The following RNF228 variants were observed in gnomAD, a reference collection of about 807,000 sequenced individuals.
The protein encoded by RNF228 is ring finger protein 228.
the RNF228 span, among the ~76,000 whole-genome samples, chr2:222,316,119 T>G: frequency 6.6e-6 from 1 of 152,228 alleles, no homozygotes; most frequent in African/African-American, 2.4e-5. Flanking sequence ...CAACAATTAC[T>G]TCTTAAACTC....
chr2:222,317,881 A>G, the RNF228 span: 2 of 152,222 alleles, frequency 1.3e-5, no homozygotes, highest in African/African-American at 4.8e-5. Context: ...ATATTGAATC[A>G]ATTACCAACA....
the RNF228 span, chr2:222,319,382 G>C: frequency 3.1e-6 from 1 of 320,620 alleles, no homozygotes; most frequent in African/African-American, 2.2e-5. The surrounding 1 kb of genome is among the most constrained non-coding windows in gnomAD (Gnocchi z 7.6). Flanking sequence ...TGAGCGCCGC[G>C]CGCTTGCAGT....
the RNF228 span, among the ~76,000 whole-genome samples, chr2:222,314,830 T>C: frequency 9.8e-5 from 15 of 152,372 alleles, no homozygotes; most frequent in East Asian, 2.7e-3. Context: ...TAGATCTTTT[T>C]CTCATGTTGG....
chr2:222,319,079 G>A, the RNF228 span: 5 of 176,072 alleles, frequency 2.8e-5, no homozygotes, highest in Non-Finnish European at 4.7e-5. This position sits in a 1 kb window ranked among gnomAD's most constrained non-coding sequence, Gnocchi z 7.6. Flanking sequence ...CCCTCGGGCC[G>A]CCGCCGCCGC....
the RNF228 span, among the ~76,000 whole-genome samples, chr2:222,316,713 CT>C: frequency 1.3e-5 from 2 of 152,174 alleles, no homozygotes; most frequent in East Asian, 3.8e-4. Context: ...CATAATATAT[CT>C]TTAAACATAA....
the RNF228 span, among the ~76,000 whole-genome samples, chr2:222,317,049 G>T: frequency 6.6e-6 from 1 of 152,066 alleles, no homozygotes; most frequent in East Asian, 1.9e-4. Flanking sequence ...GCCTTCCAGG[G>T]TCATTATTCC....
At chr2:222,317,460 C>A in the RNF228 span, 2 of 152,094 alleles carry the variant, frequency 1.3e-5, no homozygotes, top group African/African-American at 4.8e-5. Context: ...TAATAGCATA[C>A]CTTCAGTAGA....
At chr2:222,317,451 A>C in the RNF228 span, 1 of 152,214 alleles carries the variant, frequency 6.6e-6, no homozygotes, top group Non-Finnish European at 1.5e-5. Flanking sequence ...CTCGAGGAAT[A>C]ATAGCATACC....
At chr2:222,318,756 G>T in the RNF228 span, 1 of 146,440 alleles carries the variant, frequency 6.8e-6, no homozygotes, top group African/African-American at 2.5e-5. Context: ...ATTTTGCACA[G>T]TCCAGGCAAA....
the RNF228 span, among the ~76,000 whole-genome samples, chr2:222,314,272 T>A: frequency 3.9e-5 from 6 of 152,236 alleles, no homozygotes; most frequent in Non-Finnish European, 8.8e-5. Flanking sequence ...GAATCAAAAC[T>A]GATTGGATGA....
chr2:222,315,108 TATG>T, the RNF228 span, among the ~76,000 whole-genome samples: 1 of 152,158 alleles, frequency 6.6e-6, no homozygotes, highest in Non-Finnish European at 1.5e-5. Context: ...CAAAAATTCT[TATG>T]AAGTAGGGAA....
the RNF228 span, among the ~76,000 whole-genome samples, chr2:222,315,505 C>T: frequency 1.3e-5 from 2 of 152,030 alleles, no homozygotes; most frequent in Admixed American, 6.5e-5. Context: ...CACTTGGAGA[C>T]CTAAATAAAA....
chr2:222,314,857 T>G, the RNF228 span, among the ~76,000 whole-genome samples: 3 of 152,256 alleles, frequency 2.0e-5, no homozygotes, highest in Non-Finnish European at 4.4e-5. Context: ...CACTGCAATG[T>G]GCTTTTTTCC....
At chr2:222,318,919 G>T in the RNF228 span, 1 of 152,632 alleles carries the variant, frequency 6.6e-6, no homozygotes, top group South Asian at 2.0e-4. Flanking sequence ...GAGAGCCCGG[G>T]GGCAGCAGGG....
chr2:222,319,970 G>T, the RNF228 span, among the ~76,000 whole-genome samples: 32 of 152,226 alleles, frequency 2.1e-4, no homozygotes, highest in African/African-American at 7.7e-4. The surrounding 1 kb of genome is among the most constrained non-coding windows in gnomAD (Gnocchi z 7.6). Flanking sequence ...CGCAGTCCGG[G>T]GCTCCCTTCG....
the RNF228 span, among the ~76,000 whole-genome samples, chr2:222,316,392 T>C: frequency 6.6e-6 from 1 of 152,246 alleles, no homozygotes; most frequent in African/African-American, 2.4e-5. Context: ...GACTTCAAAG[T>C]ATTCTAACTC....
chr2:222,316,487 T>A, the RNF228 span, among the ~76,000 whole-genome samples: 1 of 152,242 alleles, frequency 6.6e-6, no homozygotes, highest in Non-Finnish European at 1.5e-5. Context: ...GATTCAAGAA[T>A]GTATTTCTCA....
At chr2:222,317,460 C>G in the RNF228 span, 1 of 152,094 alleles carries the variant, frequency 6.6e-6, no homozygotes, top group Admixed American at 6.5e-5. Flanking sequence ...TAATAGCATA[C>G]CTTCAGTAGA....
At chr2:222,315,946 C>T in the RNF228 span, among the ~76,000 whole-genome samples, 1 of 152,116 alleles carries the variant, frequency 6.6e-6, no homozygotes, top group Admixed American at 6.5e-5. Flanking sequence ...AGTTTCCAAG[C>T]AGGTACAGAG....
Sources: gnomAD v4.1 joint callset for allele counts (sites outside exome capture counted in the v4.1 genomes callset) on GRCh38, gnomAD v4.1.1 for gene constraint, Gnocchi (gnomAD v3.1) non-coding constraint, MANE v1.5 for transcripts, NCBI Gene and HGNC (gene_info 2026-07-23, HGNC 2026-07-21) for gene names.